Variants in COL25A1 observed in about 807,000 individuals in gnomAD.
COL25A1 encodes collagen alpha-1(XXV) chain.
Under a neutral mutation model 128.4 loss-of-function variants are expected in COL25A1, and 103 were observed. The observed-to-expected ratio is 0.80, with a 90% CI of 0.68 to 0.94. The LOEUF (loss-of-function observed/expected upper bound fraction) is 0.94. Among genes scored for constraint, COL25A1 ranks in the 40% least tolerant of loss-of-function variants. COL25A1 has a pLI of 0.00. For missense variants in COL25A1, 745 were observed against 840.0 expected, an observed-to-expected ratio of 0.89 and a Z score of 1.40; for synonymous variants, 279 against 277.2, an observed-to-expected ratio of 1.01 and a Z score of -0.06.
At chr4:109,022,024 C>G (rs1757814821) in intron 5 of COL25A1, among the ~76,000 whole-genome samples, 1 of 152,206 alleles carries the variant, frequency 6.6e-6, no homozygotes. Context: ...CCTGTTTCCT[C>G]AGAAACATGT....
chr4:109,113,947 A>G (rs924663220), intron 3 of COL25A1, among the ~76,000 whole-genome samples: 2 of 152,140 alleles, frequency 1.3e-5, no homozygotes, highest in Non-Finnish European at 2.9e-5. Context: ...AATCTTAAAG[A>G]ATCACCATAA....
intron 6 of COL25A1, among the ~76,000 whole-genome samples, chr4:108,978,048 T>C (rs1752607072): frequency 6.6e-6 from 1 of 152,238 alleles, no homozygotes; most frequent in Admixed American, 6.5e-5. Flanking sequence ...ACAACCCTTT[T>C]CCTCAAAGTC....
intron 3 of COL25A1, among the ~76,000 whole-genome samples, chr4:109,109,217 T>A (rs1449075381): frequency 3.3e-5 from 5 of 152,114 alleles, no homozygotes; most frequent in Non-Finnish European, 2.9e-5. Context: ...TCTTTCCAAA[T>A]AGCTGGGATT....
At chr4:109,067,554 C>T (rs1167973773) in intron 3 of COL25A1, among the ~76,000 whole-genome samples, 3 of 152,154 alleles carry the variant, frequency 2.0e-5, no homozygotes, top group Non-Finnish European at 4.4e-5. Context: ...TTTGTTTCAT[C>T]GTGTTGGGGA....
chr4:109,069,968 A>T (rs936335563), intron 3 of COL25A1, among the ~76,000 whole-genome samples: 2 of 127,256 alleles, frequency 1.6e-5, no homozygotes, highest in African/African-American at 2.8e-5. Context: ...AAGAGCAATA[A>T]TTTTTTTTTT....
intron 3 of COL25A1, among the ~76,000 whole-genome samples, chr4:109,292,900 C>T (rs929181968): frequency 2.6e-5 from 4 of 152,020 alleles, no homozygotes; most frequent in African/African-American, 9.7e-5. Flanking sequence ...TTCCAAAGTT[C>T]ACTTAGGAGC....
At chr4:109,222,709 C>T (rs1362782318) in intron 3 of COL25A1, among the ~76,000 whole-genome samples, 1 of 152,132 alleles carries the variant, frequency 6.6e-6, no homozygotes, top group Non-Finnish European at 1.5e-5. Context: ...GTCTTTACAG[C>T]TAGAAACCAG....
At chr4:109,295,673 G>T (rs141220750) in intron 3 of COL25A1, among the ~76,000 whole-genome samples, 11 of 152,158 alleles carry the variant, frequency 7.2e-5, no homozygotes, top group Middle Eastern at 3.4e-3. Flanking sequence ...TAATTTAAAG[G>T]TTCTTCTTAT....
At chr4:108,870,405 AT>A (rs1738565291) in intron 19 of COL25A1, among the ~76,000 whole-genome samples, 1 of 151,878 alleles carries the variant, frequency 6.6e-6, no homozygotes, top group Non-Finnish European at 1.5e-5. Flanking sequence ...TATAACTCAA[AT>A]GTATTTATCT....
rs575403185 is a variant in COL25A1, at chr4:109,197,502, AT to A, written c.367+103080del. Among the ~76,000 whole-genome samples, 1,071 of 129,828 alleles carry A rather than the reference AT, an allele frequency of 8.2e-3. 53 individuals carry two copies. The South Asian group carries it at 0.14, about 17-fold the overall frequency. The allele number at this position is 129,828 out of a possible 152,430, so 85.2% of individuals were successfully genotyped here. The stretch of plus-strand genomic sequence containing the variant: ...TATTATATATTATATATAAATATAT[AT>A]TATATAATATTTATATATAATATTA... On this transcript the variant is annotated intron_variant, in intron 3 of 37. Transcript: ENST00000399132.
chr4:108,827,690 G>A (rs765695456), intron 32 of COL25A1, among the ~76,000 whole-genome samples: 2 of 151,866 alleles, frequency 1.3e-5, no homozygotes, highest in African/African-American at 2.4e-5. Flanking sequence ...CTATGCCCAG[G>A]TAGTTTTTAA....
intron 3 of COL25A1, among the ~76,000 whole-genome samples, chr4:109,246,016 CAA>C (rs772260651): frequency 8.7e-4 from 57 of 65,610 alleles, no homozygotes; most frequent in East Asian, 1.4e-3. Context: ...TGTTAAAAAG[CAA>C]AAAAAAAAAA....
intron 6 of COL25A1, among the ~76,000 whole-genome samples, chr4:108,975,895 T>C (rs1752385612): frequency 6.6e-6 from 1 of 152,132 alleles, no homozygotes; most frequent in African/African-American, 2.4e-5. Flanking sequence ...TTATATATTA[T>C]ATATTGTACA....
intron 6 of COL25A1, among the ~76,000 whole-genome samples, chr4:109,001,378 T>TCTGAGATCCTGTCAGGTAGGCAG (rs1755362299): frequency 4.6e-5 from 7 of 152,178 alleles, no homozygotes; most frequent in Admixed American, 1.3e-4. Context: ...GAAACAGGCA[T>TCTGAGATCCTGTCAGGTAGGCAG]CTGAGATCCT....
At chr4:108,942,067 C>T in intron 8 of COL25A1, 1 of 705,274 alleles carries the variant, frequency 1.4e-6, no homozygotes, top group Non-Finnish European at 2.4e-6. Flanking sequence ...CTCAATGATG[C>T]AAGTGGGGTC....
chr4:108,922,503 G>A (rs1463675942), intron 11 of COL25A1, among the ~76,000 whole-genome samples: 3 of 151,804 alleles, frequency 2.0e-5, no homozygotes, highest in African/African-American at 7.3e-5. Flanking sequence ...TTCATCACAC[G>A]GATATATAAC....
chr4:109,122,860 A>G (rs553429846), intron 3 of COL25A1, among the ~76,000 whole-genome samples: 205 of 152,260 alleles, frequency 1.3e-3, no homozygotes, highest in African/African-American at 4.7e-3. Context: ...AGTTATTCAC[A>G]CACTTTGACA....
chr4:108,983,225 G>T (rs1424491994), intron 6 of COL25A1, among the ~76,000 whole-genome samples: 1 of 152,012 alleles, frequency 6.6e-6, no homozygotes, highest in Admixed American at 6.6e-5. Context: ...CAAATAAAAT[G>T]AACTCCATGG....
At chr4:109,077,441 G>A (rs1171728867) in intron 3 of COL25A1, among the ~76,000 whole-genome samples, 13 of 90,494 alleles carry the variant, frequency 1.4e-4, no homozygotes, top group African/African-American at 2.6e-4. Flanking sequence ...CCACCCCCCC[G>A]CCCCCAACAC....
Sources: gnomAD v4.1 joint callset for allele counts (sites outside exome capture counted in the v4.1 genomes callset) on GRCh38, gnomAD v4.1.1 for gene constraint, MANE v1.5 for transcripts, NCBI Gene and HGNC (gene_info 2026-07-23, HGNC 2026-07-21) for gene names.